The following PCDHA1 variants were observed in gnomAD, a reference collection of about 807,000 sequenced individuals.
PCDHA1 encodes the protein protocadherin alpha 1, also known as protocadherin alpha-1.
Under a neutral mutation model 61.3 loss-of-function variants are expected in PCDHA1, and 42 were observed. That is an observed-to-expected ratio of 0.69 (90% CI 0.54 to 0.89). PCDHA1 has a LOEUF of 0.89. PCDHA1 is among the 40% of genes least tolerant of loss of function. The pLI is 0.00. For synonymous variants in PCDHA1, 610 were observed against 553.8 expected (o/e 1.10, Z -1.43); for missense variants, 1,256 against 1,235.3 (o/e 1.02, Z -0.25).
In PCDHA1 at chr5:140,787,238, C is replaced by A. The variant is rs777052158; in HGVS notation, c.948C>A (p.Tyr316Ter). The change falls in exon 1 of 4, where the codon TAC becomes TAA. Residue 316 changes from tyrosine (Y) to a stop codon, truncating the protein, a stop_gained. Transcript: ENST00000504120. LOFTEE classifies it high-confidence loss of function. ...DKLDYEETKS[Y>*]EIQVKAVDKG... is the part of the protein sequence containing the mutation. Reference sequence around the variant, plus strand: ...TGGATTATGAAGAAACAAAATCCTACGAAATTCAAGTAAAGGCAGTTGATA... The same window carrying A: ...TGGATTATGAAGAAACAAAATCCTAAGAAATTCAAGTAAAGGCAGTTGATA... 19 of 1,613,984 alleles carry A rather than the reference C, an allele frequency of 1.2e-5. No homozygotes were observed. Among genetic ancestry groups the A allele is most frequent in the Non-Finnish European group, 1.4e-5 (16 of 1,180,010 alleles).
In PCDHA1 at chr5:140,787,000, A is replaced by AT; in HGVS notation, c.711dup (p.Asn238Ter). 1.2e-6 allele frequency: 2 copies of AT among 1,614,168 alleles called. No homozygotes were observed. Among genetic ancestry groups the AT allele is most frequent in the South Asian group, 1.1e-5 (1 of 91,076 alleles). On this transcript the variant is annotated frameshift_variant, in exon 1 of 4. Coordinates refer to ENST00000504120, the MANE Select transcript of PCDHA1 (RefSeq NM_018900.4). LOFTEE classifies it high-confidence loss of function. The stretch of plus-strand genomic sequence containing the variant: ...CTGATCACCGTCCTCGACGTTAATG[A>AT]TAACGCCCCACTGTTTGACCAGGCC...
At chr5:140,882,013 A>G (rs2058902739) in intron 1 of PCDHA1, 1 of 534,534 alleles carries the variant, frequency 1.9e-6, no homozygotes, top group African/African-American at 1.9e-5. Flanking sequence ...GCAAAAAAAT[A>G]CTACATCAAT....
Position 140,876,213 on chromosome 5 carries a change from T to G in PCDHA1, c.2394+87529T>G, listed in dbSNP as rs782372222. On this transcript the variant is annotated intron_variant, in intron 1 of 3. Transcript: ENST00000504120. ...GTCCGGCGTTTGATAAGCCCAGCTA[T>G]AAAGTAGTGTTGTCTGAAAATGTCC... The G allele has an allele frequency of 3.1e-6, 5 of 1,613,846 alleles. No individual in the cohort carries two copies. The East Asian group carries it at 1.1e-4, about 36-fold the overall frequency.
chr5:140,873,995 GT>G (rs1354813199), intron 1 of PCDHA1, among the ~76,000 whole-genome samples: 2 of 152,166 alleles, frequency 1.3e-5, no homozygotes, highest in African/African-American at 4.8e-5. Context: ...AGCATGTATG[GT>G]ACATTGACCA....
intron 1 of PCDHA1, chr5:140,968,830 C>G: frequency 6.2e-7 from 1 of 1,614,198 alleles, no homozygotes; most frequent in Non-Finnish European, 8.5e-7. Context: ...CCAAAATCCT[C>G]CCTGACACTC....
At chr5:140,822,627 T>C in intron 1 of PCDHA1, 1 of 1,611,408 alleles carries the variant, frequency 6.2e-7, no homozygotes, top group South Asian at 1.1e-5. Flanking sequence ...GTAATCTTGT[T>C]CTTGACGATG....
At chr5:140,802,753 C>A (rs782212948) in intron 1 of PCDHA1, 7 of 1,612,424 alleles carry the variant, frequency 4.3e-6, no homozygotes, top group African/African-American at 2.7e-5. Context: ...AAGGTGTACG[C>A]GCTGCAGCCG....
intron 1 of PCDHA1, chr5:140,968,785 T>G: frequency 6.2e-7 from 1 of 1,614,226 alleles, no homozygotes; most frequent in Non-Finnish European, 8.5e-7. Flanking sequence ...TATCAGCCTC[T>G]GTGGCCATTA....
At chr5:140,805,107 T>A in intron 1 of PCDHA1, 2 of 1,590,884 alleles carry the variant, frequency 1.3e-6, no homozygotes, top group Non-Finnish European at 8.5e-7. Context: ...GAAACTATTG[T>A]CTAACAAGAC....
At chr5:140,880,643 A>G (rs937655917) in intron 1 of PCDHA1, among the ~76,000 whole-genome samples, 1 of 152,198 alleles carries the variant, frequency 6.6e-6, no homozygotes, top group African/African-American at 2.4e-5. Context: ...TTCACTTGAG[A>G]GCCCAACTGA....
Position 140,849,791 on chromosome 5 carries a change from G to A in PCDHA1, c.2394+61107G>A. ...TGGTTACCGCGCGGGACGGGGGCTC[G>A]CCTTCACTGTGGGCCACGGCCAGGG... On this transcript the variant is annotated intron_variant, in intron 1 of 3. Coordinates refer to ENST00000504120, the MANE Select transcript of PCDHA1 (RefSeq NM_018900.4). The A allele has an allele frequency of 1.9e-6, 3 of 1,598,446 alleles. 1 individual carries two copies. Among genetic ancestry groups the A allele is most frequent in the African/African-American group, 1.3e-5 (1 of 74,534 alleles).
intron 1 of PCDHA1, among the ~76,000 whole-genome samples, chr5:140,924,244 C>T (rs1375839311): frequency 6.6e-6 from 1 of 152,152 alleles, no homozygotes; most frequent in East Asian, 1.9e-4. Flanking sequence ...TGTTTTGCAT[C>T]CTGGTGAGAT....
intron 1 of PCDHA1, among the ~76,000 whole-genome samples, chr5:140,920,549 G>T (rs957534849): frequency 6.6e-6 from 1 of 152,120 alleles, no homozygotes; most frequent in Non-Finnish European, 1.5e-5. Flanking sequence ...TTTCACCTTC[G>T]AAGTGTGGCC....
intron 3 of PCDHA1, among the ~76,000 whole-genome samples, chr5:140,985,103 A>G (rs1342526252): frequency 6.6e-6 from 1 of 151,694 alleles, no homozygotes; most frequent in African/African-American, 2.4e-5. Context: ...AAGCCTGGCT[A>G]ATTTTTTGTG....
In PCDHA1 at chr5:140,788,569, C is replaced by T. The variant is rs782023470; in HGVS notation, c.2279C>T (p.Ser760Phe). The change falls in exon 1 of 4, where the codon TCT (serine) becomes TTT (phenylalanine). Residue 760 changes from serine (S) to phenylalanine (F), a missense_variant. Transcript: ENST00000504120. Reference sequence around the variant, plus strand: ...CAGCAGAGGCGGCAGAGGGTGTGCTCTAGCGAGGGCCCACCCAAGACCGAC... The same window carrying T: ...CAGCAGAGGCGGCAGAGGGTGTGCTTTAGCGAGGGCCCACCCAAGACCGAC... Reference protein sequence around the residue: ...NSQQRRQRVCSSEGPPKTDLM... With the variant: ...NSQQRRQRVCFSEGPPKTDLM... The T allele has an allele frequency of 1.2e-6, 2 of 1,614,176 alleles. No individual in the cohort carries two copies. The highest frequency in any genetic ancestry group is 2.2e-5 in the East Asian group (1 of 44,884).
intron 1 of PCDHA1, chr5:140,857,804 G>T: frequency 6.3e-7 from 1 of 1,597,858 alleles, no homozygotes. Context: ...GTCGGTGGTT[G>T]CGGGTCACGT....
chr5:140,909,945 A>C (rs540241627), intron 1 of PCDHA1, among the ~76,000 whole-genome samples: 3 of 152,316 alleles, frequency 2.0e-5, no homozygotes, highest in Non-Finnish European at 4.4e-5. Context: ...ACTCTGGTAA[A>C]AAGCCGTAGG....
intron 1 of PCDHA1, among the ~76,000 whole-genome samples, chr5:140,833,387 A>G (rs1772434937): frequency 6.6e-6 from 1 of 152,198 alleles, no homozygotes; most frequent in African/African-American, 2.4e-5. Flanking sequence ...AGGATGAAAT[A>G]CCTCAAGACT....
rs373073076 is a variant in PCDHA1 at position 140,801,876 on chromosome 5, C to A, written c.2394+13192C>A. The A allele has an allele frequency of 1.7e-5, 28 of 1,613,990 alleles. No individual in the cohort carries two copies. In the African/African-American group the frequency reaches 3.6e-4, roughly 21 times the overall value. On this transcript the variant is annotated intron_variant, in intron 1 of 3. Coordinates refer to ENST00000504120, the MANE Select transcript of PCDHA1 (RefSeq NM_018900.4). Reference sequence around the variant, plus strand: ...GAAACCAGAGCTCACTGGCACGACTCAACTAAAGATCACTGTTTTAGATGT... The same window carrying A: ...GAAACCAGAGCTCACTGGCACGACTAAACTAAAGATCACTGTTTTAGATGT...
Sources: gnomAD v4.1 joint callset for allele counts (sites outside exome capture counted in the v4.1 genomes callset) on GRCh38, gnomAD v4.1.1 for gene constraint, MANE v1.5 for transcripts, NCBI Gene and HGNC (gene_info 2026-07-23, HGNC 2026-07-21) for gene names.